The following MCM9 variants were observed in gnomAD, a reference collection of about 807,000 sequenced individuals.
MCM9 encodes DNA helicase MCM9.
Under a neutral mutation model 72.8 loss-of-function variants are expected in MCM9, and 55 were observed. That is an observed-to-expected ratio of 0.76 (90% CI 0.61 to 0.95). MCM9 has a LOEUF of 0.95. Ranked by LOEUF, MCM9 falls within the 40% of genes least tolerant of loss-of-function variation. The pLI is 0.00. For synonymous variants in MCM9, 480 were observed against 503.4 expected, an observed-to-expected ratio of 0.95 and a Z score of 0.62; for missense variants, 1,279 against 1,377.0, an observed-to-expected ratio of 0.93 and a Z score of 1.13.
chr6:118,845,905 A>C (rs1291305463), intron 9 of MCM9, among the ~76,000 whole-genome samples: 1 of 151,788 alleles, frequency 6.6e-6, no homozygotes, highest in Non-Finnish European at 1.5e-5. Context: ...AATTTTAAAT[A>C]TGCTTCCCTG....
At chr6:118,818,853 A>T (rs1773591558) in intron 13 of MCM9, among the ~76,000 whole-genome samples, 1 of 152,136 alleles carries the variant, frequency 6.6e-6, no homozygotes, top group African/African-American at 2.4e-5. Context: ...CATCCCATGT[A>T]AGTTGTATTC....
intron 13 of MCM9, among the ~76,000 whole-genome samples, chr6:118,818,166 C>A (rs939776310): frequency 6.6e-6 from 1 of 152,122 alleles, no homozygotes; most frequent in Non-Finnish European, 1.5e-5. Context: ...GCTTTTGTTG[C>A]AATTGCTTTT....
intron 8 of MCM9, among the ~76,000 whole-genome samples, chr6:118,892,835 G>C (rs887003662): frequency 1.3e-5 from 2 of 152,152 alleles, no homozygotes; most frequent in African/African-American, 4.8e-5. Context: ...CTAAATGTAC[G>C]AGGGGTTGAC....
At chr6:118,894,204 T>C in intron 8 of MCM9, 1 of 1,383,040 alleles carries the variant, frequency 7.2e-7, no homozygotes, top group Non-Finnish European at 9.3e-7. Context: ...CAGAGCAGAA[T>C]GGGCTGTAGT....
At chr6:118,876,503 G>A (rs748065588) in intron 8 of MCM9, among the ~76,000 whole-genome samples, 16 of 152,186 alleles carry the variant, frequency 1.1e-4, no homozygotes, top group Non-Finnish European at 1.9e-4. Context: ...AGGAACTATA[G>A]TTTCTGTTCA....
chr6:118,928,304 G>C (rs181886120), intron 3 of MCM9, among the ~76,000 whole-genome samples: 1 of 151,902 alleles, frequency 6.6e-6, no homozygotes, highest in Non-Finnish European at 1.5e-5. Context: ...CCAGCTACTC[G>C]GGAGGCTGAG....
At chr6:118,929,554 T>C (rs1466307259) in intron 3 of MCM9, among the ~76,000 whole-genome samples, 1 of 152,200 alleles carries the variant, frequency 6.6e-6, no homozygotes, top group Non-Finnish European at 1.5e-5. Context: ...GCAGACAGGA[T>C]TGTATTACTT....
At chr6:118,874,591 A>G (rs1777820322) in intron 8 of MCM9, among the ~76,000 whole-genome samples, 2 of 152,190 alleles carry the variant, frequency 1.3e-5, no homozygotes, top group Non-Finnish European at 2.9e-5. Context: ...AGCTAATACA[A>G]TAAGATGAGA....
intron 8 of MCM9, among the ~76,000 whole-genome samples, chr6:118,892,045 C>CT (rs998895805): frequency 2.0e-5 from 3 of 152,188 alleles, no homozygotes; most frequent in African/African-American, 4.8e-5. Context: ...TTTCACAATT[C>CT]TTTTTTTCCT....
chr6:118,834,499 T>G (rs1365236891), intron 9 of MCM9, among the ~76,000 whole-genome samples: 3 of 152,144 alleles, frequency 2.0e-5, no homozygotes, highest in Admixed American at 6.5e-5. Context: ...AGTTCCTATT[T>G]CTCCACATCC....
chr6:118,912,346 T>A (rs1446682486), intron 7 of MCM9: 1 of 152,226 alleles, frequency 6.6e-6, no homozygotes, highest in Non-Finnish European at 1.5e-5. Flanking sequence ...GTGAAGACCT[T>A]TTCATTTATG....
intron 9 of MCM9, among the ~76,000 whole-genome samples, chr6:118,840,182 T>TC (rs1562405566): frequency 1.3e-5 from 2 of 150,946 alleles, no homozygotes; most frequent in Non-Finnish European, 1.5e-5. Flanking sequence ...TTTTTTTTTT[T>TC]CTCCACACAC....
chr6:118,880,091 A>C (rs929930039), intron 8 of MCM9, among the ~76,000 whole-genome samples: 2 of 152,060 alleles, frequency 1.3e-5, no homozygotes, highest in African/African-American at 4.8e-5. Context: ...AAAGAATAAA[A>C]AGGGCAATGA....
At chr6:118,820,831 G>A (rs1421366675) in intron 13 of MCM9, among the ~76,000 whole-genome samples, 1 of 152,100 alleles carries the variant, frequency 6.6e-6, no homozygotes, top group African/African-American at 2.4e-5. Context: ...ATATATTTAG[G>A]ATAGTTAGCT....
intron 8 of MCM9, among the ~76,000 whole-genome samples, chr6:118,868,832 T>C (rs955655096): frequency 1.5e-4 from 23 of 152,326 alleles, no homozygotes; most frequent in African/African-American, 5.3e-4. Flanking sequence ...TATAAATTAG[T>C]TCAATCATTG....
chr6:118,855,955 A>G (rs1409575291), intron 9 of MCM9, among the ~76,000 whole-genome samples: 1 of 152,212 alleles, frequency 6.6e-6, no homozygotes, highest in African/African-American at 2.4e-5. Context: ...GCTGTAATCA[A>G]CCTTCCATGA....
chr6:118,898,250 A>C (rs1029075786), intron 8 of MCM9, among the ~76,000 whole-genome samples: 1 of 152,180 alleles, frequency 6.6e-6, no homozygotes, highest in Non-Finnish European at 1.5e-5. Flanking sequence ...AATAGGTATG[A>C]AGTAGAACTA....
intron 8 of MCM9, among the ~76,000 whole-genome samples, chr6:118,868,423 A>C (rs36151209): frequency 0.73 from 110,852 of 151,986 alleles, 41,461 homozygotes; most frequent in South Asian, 0.83. Context: ...GACAAATGGG[A>C]TCTAATTAAA....
At chr6:118,848,643 G>T (rs1163426531) in intron 9 of MCM9, among the ~76,000 whole-genome samples, 1 of 149,634 alleles carries the variant, frequency 6.7e-6, no homozygotes, top group Non-Finnish European at 1.5e-5. Context: ...TAAAAATGCA[G>T]CCAGGCGCAG....
Sources: gnomAD v4.1 joint callset for allele counts (sites outside exome capture counted in the v4.1 genomes callset) on GRCh38, gnomAD v4.1.1 for gene constraint, MANE v1.5 for transcripts, NCBI Gene and HGNC (gene_info 2026-07-23, HGNC 2026-07-21) for gene names.